The following LAMA2 variants were observed in gnomAD, a reference collection of about 807,000 sequenced individuals.
The protein encoded by LAMA2 is laminin subunit alpha-2.
LAMA2 carries 269 observed loss-of-function variants against 364.8 expected under a neutral mutation model. That is an observed-to-expected ratio of 0.74 (90% CI 0.67 to 0.82). The LOEUF is 0.82. Ranked by LOEUF, LAMA2 falls within the 40% of genes least tolerant of loss-of-function variation. LAMA2 has a pLI of 0.00. For synonymous variants in LAMA2, 1,379 were observed against 1,370.6 expected (o/e 1.01, Z -0.14); for missense variants, 3,807 against 3,873.2 (o/e 0.98, Z 0.45).
intron 27 of LAMA2, among the ~76,000 whole-genome samples, chr6:129,317,409 C>T (rs1338417487): frequency 6.6e-6 from 1 of 152,102 alleles, no homozygotes; most frequent in African/African-American, 2.4e-5. Context: ...AATGTTTATA[C>T]TGGAATAAGC....
At chr6:129,033,070 A>T (rs563497413) in intron 1 of LAMA2, among the ~76,000 whole-genome samples, 5 of 152,156 alleles carry the variant, frequency 3.3e-5, no homozygotes, top group Admixed American at 6.5e-5. Context: ...TTTCAGAAAG[A>T]TACCTGGTCT....
At chr6:128,953,214 G>A (rs1216437137) in intron 1 of LAMA2, among the ~76,000 whole-genome samples, 1 of 152,086 alleles carries the variant, frequency 6.6e-6, no homozygotes. Context: ...TGCTTCTTCC[G>A]AGTGATCACT....
intron 10 of LAMA2, among the ~76,000 whole-genome samples, chr6:129,182,035 G>A (rs1024861284): frequency 6.6e-6 from 1 of 151,702 alleles, no homozygotes; most frequent in Non-Finnish European, 1.5e-5. Context: ...AGTTTCACTA[G>A]ATTATAGTCC....
chr6:129,097,390 T>C (rs1484258680), intron 3 of LAMA2, among the ~76,000 whole-genome samples: 1 of 152,244 alleles, frequency 6.6e-6, no homozygotes, highest in African/African-American at 2.4e-5. Context: ...ATATTTCTTT[T>C]TTTACGTCTT....
At chr6:128,928,978 C>A in intron 1 of LAMA2, 1 of 1,151,156 alleles carries the variant, frequency 8.7e-7, no homozygotes, top group Non-Finnish European at 1.3e-6. Context: ...GCTACTCATT[C>A]CAGCTCAGAA....
chr6:129,289,393 G>A (rs1051987849), intron 19 of LAMA2, among the ~76,000 whole-genome samples: 29 of 152,092 alleles, frequency 1.9e-4, no homozygotes, highest in African/African-American at 6.8e-4. Flanking sequence ...TTTCTGTGGG[G>A]ACTAAAGGAT....
At chr6:129,148,727 C>T (rs1050321843) in intron 6 of LAMA2, among the ~76,000 whole-genome samples, 2 of 152,060 alleles carry the variant, frequency 1.3e-5, no homozygotes, top group African/African-American at 2.4e-5. Flanking sequence ...AGACCACTCC[C>T]AGCTGGGCCT....
intron 42 of LAMA2, among the ~76,000 whole-genome samples, chr6:129,440,489 C>A (rs191772818): frequency 2.4e-4 from 37 of 152,128 alleles, no homozygotes; most frequent in African/African-American, 8.9e-4. Flanking sequence ...TCTTAAGCCT[C>A]GTTTTCATGA....
At chr6:129,031,823 T>TCTTTC (rs1454046779) in intron 1 of LAMA2, among the ~76,000 whole-genome samples, 1 of 151,942 alleles carries the variant, frequency 6.6e-6, no homozygotes, top group South Asian at 2.1e-4. Context: ...GAATTTCTTT[T>TCTTTC]CTTTTCTTTT....
intron 4 of LAMA2, among the ~76,000 whole-genome samples, chr6:129,126,807 C>A (rs1374138353): frequency 6.6e-6 from 1 of 152,196 alleles, no homozygotes; most frequent in Non-Finnish European, 1.5e-5. Flanking sequence ...GGACTGGGCA[C>A]AGTTGCTCAC....
At chr6:129,048,493 T>TTTCTTTCTTTCTTTCCTTCC (rs1384475895) in intron 1 of LAMA2, among the ~76,000 whole-genome samples, 1 of 51,358 alleles carries the variant, frequency 1.9e-5, no homozygotes, top group Non-Finnish European at 4.1e-5. Flanking sequence ...TCTTTCTTTC[T>TTTCTTTCTTTCTTTCCTTCC]TTCCTTCCTT....
chr6:128,914,175 G>A lies in LAMA2; in HGVS notation c.112+30818G>A, dbSNP rs942034923. Among the ~76,000 whole-genome samples, 4 of 152,198 alleles carry A rather than the reference G, an allele frequency of 2.6e-5. No homozygotes were observed. In the South Asian group the frequency reaches 8.3e-4, roughly 32 times the overall value. On this transcript the variant is annotated intron_variant, in intron 1 of 64. Transcript: ENST00000421865. ...TCTACTTTAAAAATAGCTTTCTATG[G>A]CTGAAGGTTTGCTTCAGTTGTTTTA...
In LAMA2 at chr6:129,507,696, C is replaced by G. The variant is rs1038257996; in HGVS notation, c.8857+54C>G. The stretch of plus-strand genomic sequence containing the variant: ...ATTATTAACTAGATACAAATACTAA[C>G]TTCTTGCTAGTACCAAATAATAAAA... On this transcript the variant is annotated intron_variant, in intron 62 of 64. Coordinates refer to ENST00000421865, the MANE Select transcript of LAMA2 (RefSeq NM_000426.4). The G allele has an allele frequency of 1.6e-4, 245 of 1,551,700 alleles. 3 individuals carry two copies. The African/African-American group carries it at 2.8e-3, about 18-fold the overall frequency.
chr6:129,217,673 G>T (rs1783513897), intron 12 of LAMA2, among the ~76,000 whole-genome samples: 1 of 152,034 alleles, frequency 6.6e-6, no homozygotes, highest in Non-Finnish European at 1.5e-5. Flanking sequence ...TATTTATGTG[G>T]TTAAGATATC....
intron 1 of LAMA2, among the ~76,000 whole-genome samples, chr6:129,020,102 G>GAAAA (rs57907508): frequency 7.5e-6 from 1 of 134,216 alleles, no homozygotes; most frequent in African/African-American, 2.9e-5. Flanking sequence ...GAAAAAAAAA[G>GAAAA]AAAAAAAAAA....
intron 1 of LAMA2, among the ~76,000 whole-genome samples, chr6:129,008,021 T>G (rs1697747829): frequency 6.6e-6 from 1 of 152,192 alleles, no homozygotes; most frequent in East Asian, 1.9e-4. Context: ...CTTGAGAAGC[T>G]TCCTTCACCA....
At chr6:129,099,619 T>C (rs1583040765) in intron 4 of LAMA2, among the ~76,000 whole-genome samples, 1 of 152,190 alleles carries the variant, frequency 6.6e-6, no homozygotes. Flanking sequence ...AGAAAACCCA[T>C]ATTCACATTC....
intron 8 of LAMA2, among the ~76,000 whole-genome samples, chr6:129,159,883 G>GT (rs1471307819): frequency 6.6e-5 from 10 of 152,084 alleles, no homozygotes; most frequent in Non-Finnish European, 1.2e-4. Context: ...CCTTTATTCT[G>GT]TTAACGGGGA....
chr6:129,252,870 T>G (rs7754620), intron 14 of LAMA2, among the ~76,000 whole-genome samples: 38,825 of 152,082 alleles, frequency 0.26, 7,242 homozygotes, highest in African/African-American at 0.53. Context: ...ATTGCTTATT[T>G]TATGTGTGAC....
Sources: allele counts gnomAD v4.1 joint callset (sites outside exome capture counted in the v4.1 genomes callset), GRCh38; gene constraint gnomAD v4.1.1; transcripts MANE v1.5; gene names NCBI Gene and HGNC (gene_info 2026-07-23, HGNC 2026-07-21).